Variants in RUBCN observed in about 807,000 individuals in gnomAD.
RUBCN encodes run domain Beclin-1-interacting and cysteine-rich domain-containing protein.
RUBCN carries 74 observed loss-of-function variants against 113.2 expected under a neutral mutation model. The observed-to-expected ratio is 0.65, with a 90% CI of 0.54 to 0.79. The LOEUF is 0.79. Among genes scored for constraint, RUBCN ranks in the 30% least tolerant of loss-of-function variants. The probability of loss-of-function intolerance (pLI) is 0.00; values close to 1 mark genes in which losing one functional copy is unlikely to be tolerated. For synonymous variants in RUBCN, 480 were observed against 490.0 expected, an observed-to-expected ratio of 0.98 and a Z score of 0.27; for missense variants, 1,109 against 1,251.7, an observed-to-expected ratio of 0.89 and a Z score of 1.72.
In RUBCN at chr3:197,681,414, A is replaced by T; in HGVS notation, c.2192-47T>A. ...AAAGCCAGATGTAACTTTCCCATCTACAAGCTGGGAAGGCAGCTCTGCTTT... is the reference window on the plus strand; with the variant it reads ...AAAGCCAGATGTAACTTTCCCATCTTCAAGCTGGGAAGGCAGCTCTGCTTT... On this transcript the variant is annotated intron_variant, in intron 15 of 19. Coordinates refer to ENST00000296343, the MANE Select transcript of RUBCN (RefSeq NM_014687.4). This position sits in a 1 kb window ranked among gnomAD's most constrained non-coding sequence, Gnocchi z 5.5. 2 of 1,425,072 alleles carry T rather than the reference A, an allele frequency of 1.4e-6. No individual in the cohort carries two copies. Among genetic ancestry groups the T allele is most frequent in the African/African-American group, 1.4e-5 (1 of 71,370 alleles). The allele number at this position is 1,425,072 out of a possible 1,614,324, so 88.3% of individuals were successfully genotyped here.
At chr3:197,699,122 G>T in intron 7 of RUBCN, 1 of 1,165,632 alleles carries the variant, frequency 8.6e-7, no homozygotes, top group Non-Finnish European at 1.3e-6. Context: ...ACTGAAGGAG[G>T]TTCTGAACTA....
rs12495606 is a variant in RUBCN, at chr3:197,682,729, C to T, written c.1981-114G>A. On this transcript the variant is annotated intron_variant, in intron 13 of 19. Transcript: ENST00000296343. The stretch of plus-strand genomic sequence containing the variant: ...GAGAAAAACACAGTTGGGGTAAGTT[C>T]ACACGGACGGGCTTGAGAAACAGAA... 14,667 of 1,382,656 alleles carry T rather than the reference C, an allele frequency of 0.011. 1,241 individuals carry two copies. In the Admixed American group the frequency reaches 0.19, roughly 18 times the overall value. 85.6% of individuals were successfully genotyped at this position (1,382,656 alleles called of 1,614,324 possible).
chr3:197,700,547 A>G, intron 7 of RUBCN, 66 bp downstream of exon 7: 1 of 1,535,036 alleles, frequency 6.5e-7, no homozygotes, highest in Non-Finnish European at 9.0e-7. Context: ...AAGTCCCCAT[A>G]ACAAGCCCTC....
intron 2 of RUBCN, among the ~76,000 whole-genome samples, chr3:197,707,332 C>CA (rs1345979928): frequency 6.8e-5 from 10 of 147,358 alleles, no homozygotes; most frequent in South Asian, 2.1e-4. Context: ...ACTCCGGTCT[C>CA]AAAAAAAAAG....
At chr3:197,737,746 G>A (rs1037597859), upstream of RUBCN, among the ~76,000 whole-genome samples, 6 of 152,196 alleles carry the variant, frequency 3.9e-5, no homozygotes, top group Non-Finnish European at 7.3e-5. Flanking sequence ...AGGAGATGGG[G>A]CAGATATAAT....
At chr3:197,677,775 T>G (rs1560399846) in intron 16 of RUBCN, among the ~76,000 whole-genome samples, 2 of 149,904 alleles carry the variant, frequency 1.3e-5, no homozygotes, top group East Asian at 4.0e-4. Flanking sequence ...TGTCCTACGC[T>G]CTAACTCGAC....
Position 197,683,628 on chromosome 3 carries a change from G to A in RUBCN, c.1848-189C>T, listed in dbSNP as rs1194076858. 6.6e-6 allele frequency among the ~76,000 whole-genome samples: 1 copy of A among 152,156 alleles called. No individual in the cohort carries two copies. Among genetic ancestry groups the A allele is most frequent in the Non-Finnish European group, 1.5e-5 (1 of 68,038 alleles). On this transcript the variant is annotated intron_variant, in intron 12 of 19. Coordinates refer to ENST00000296343, the MANE Select transcript of RUBCN (RefSeq NM_014687.4). This position sits in a 1 kb window ranked among gnomAD's most constrained non-coding sequence, Gnocchi z 4.6. The stretch of plus-strand genomic sequence containing the variant: ...CTAGTCTCACGGTCCTAAGACTTCG[G>A]TTCAAGCCCCACTTCCTGCCACTGC...
In RUBCN at chr3:197,675,727, C is replaced by T. The variant is rs768632650; in HGVS notation, c.2647-212G>A. 6.7e-5 allele frequency among the ~76,000 whole-genome samples: 10 copies of T among 150,362 alleles called. No individual in the cohort carries two copies. Among genetic ancestry groups the T allele is most frequent in the Middle Eastern group, 3.5e-3 (1 of 284 alleles). ...GGCAGAAGATCAGACAGGCACCAGC[C>T]GGAGAAGCTCCGACCCCCAGCGCGG... On this transcript the variant is annotated intron_variant, in intron 18 of 19. Coordinates refer to ENST00000296343, the MANE Select transcript of RUBCN (RefSeq NM_014687.4). This position sits in a 1 kb window ranked among gnomAD's most constrained non-coding sequence, Gnocchi z 4.4.
At chr3:197,707,953 T>C (rs1167868864) in intron 2 of RUBCN, among the ~76,000 whole-genome samples, 1 of 149,454 alleles carries the variant, frequency 6.7e-6, no homozygotes, top group African/African-American at 2.5e-5. Flanking sequence ...AATAGTGCAA[T>C]ACTCTGTCTC....
intron 1 of RUBCN, among the ~76,000 whole-genome samples, chr3:197,719,945 CCT>C (rs1291717899): frequency 6.6e-6 from 1 of 152,138 alleles, no homozygotes; most frequent in Non-Finnish European, 1.5e-5. Flanking sequence ...CATTCAAAAA[CCT>C]CTCTTCCAGC....
chr3:197,702,320 G>A (rs574645921), intron 5 of RUBCN, among the ~76,000 whole-genome samples: 12 of 152,176 alleles, frequency 7.9e-5, no homozygotes, highest in Admixed American at 1.3e-4. Context: ...ACATAGCACC[G>A]TGCCTGGCAC....
chr3:197,721,906 T>C (rs1347546001), intron 1 of RUBCN, among the ~76,000 whole-genome samples: 1 of 152,178 alleles, frequency 6.6e-6, no homozygotes. Flanking sequence ...AAGTTGTTCT[T>C]GTTATTGATT....
Position 197,731,691 on chromosome 3 carries a change from G to A in RUBCN, c.65+4964C>T, listed in dbSNP as rs537148630. Among the ~76,000 whole-genome samples the A allele has an allele frequency of 1.2e-4, 17 of 145,518 alleles. No homozygotes were observed. In the South Asian group the frequency reaches 2.5e-3, roughly 21 times the overall value. On this transcript the variant is annotated intron_variant, in intron 1 of 19. Transcript: ENST00000296343. ...AGAGGGGCTCCTCACTTCCCAGTAG[G>A]GGCAGCCGGGCAGAGGCGCCCCTCA...
intron 5 of RUBCN, 114 bp downstream of exon 5, chr3:197,703,434 G>GA: frequency 4.7e-6 from 1 of 212,718 alleles, no homozygotes; most frequent in East Asian, 9.6e-5. Flanking sequence ...AAAAAAAAAT[G>GA]CAAGCCTTTC....
In RUBCN at chr3:197,674,715, G is replaced by C; in HGVS notation, c.*303C>G. 2.2e-6 allele frequency: 1 copy of C among 454,204 alleles called. No homozygotes were observed. Among genetic ancestry groups the C allele is most frequent in the Non-Finnish European group, 4.0e-6 (1 of 250,596 alleles). 28.1% of individuals were successfully genotyped at this position (454,204 alleles called of 1,614,324 possible). ...AAGGCCACAGACGCTGGAAGAACTT[G>C]GTCTTGCTGTCTCTTCCACTGACAG... On this transcript the variant is annotated 3_prime_UTR_variant, in exon 20 of 20. Transcript: ENST00000296343.
At chr3:197,679,874 A>G (rs1244229795) in intron 16 of RUBCN, among the ~76,000 whole-genome samples, 5 of 142,706 alleles carry the variant, frequency 3.5e-5, no homozygotes, top group Non-Finnish European at 6.0e-5. Context: ...AACTGGCTCC[A>G]GACTGTCCTG....
At chr3:197,676,094 C>T (rs1025856010) in intron 18 of RUBCN, 3 of 648,378 alleles carry the variant, frequency 4.6e-6, no homozygotes, top group African/African-American at 2.0e-5. Flanking sequence ...TAACGACGTG[C>T]GTTTGAGGAA....
chr3:197,690,128 C>T (rs190363836), intron 11 of RUBCN, among the ~76,000 whole-genome samples: 2 of 152,326 alleles, frequency 1.3e-5, no homozygotes, highest in African/African-American at 4.8e-5. Flanking sequence ...TAATGCCCAA[C>T]AATATTAAAA....
At chr3:197,722,902 T>C (rs551755759) in intron 1 of RUBCN, among the ~76,000 whole-genome samples, 1 of 152,182 alleles carries the variant, frequency 6.6e-6, no homozygotes, top group East Asian at 1.9e-4. Flanking sequence ...ATTTGGAAGG[T>C]TTTTAAAAAT....
Sources: allele counts gnomAD v4.1 joint callset (sites outside exome capture counted in the v4.1 genomes callset), GRCh38; gene constraint gnomAD v4.1.1; non-coding constraint Gnocchi (gnomAD v3.1); transcripts MANE v1.5; gene names NCBI Gene and HGNC (gene_info 2026-07-23, HGNC 2026-07-21).